TBL1X: variants seen among roughly 807,000 people sequenced by gnomAD.
TBL1X encodes F-box-like/WD repeat-containing protein TBL1X.
TBL1X carries 10 observed loss-of-function variants against 50.7 expected under a neutral mutation model. The ratio of observed to expected loss-of-function variants is 0.20; its 90% CI spans 0.12 to 0.33. TBL1X has a LOEUF of 0.33. TBL1X is among the 10% of genes least tolerant of loss of function. The probability of loss-of-function intolerance (pLI) is 1.00; values close to 1 mark genes in which losing one functional copy is unlikely to be tolerated. For synonymous variants in TBL1X, 190 were observed against 214.7 expected (o/e 0.88, Z 1.01); for missense variants, 340 against 504.4 (o/e 0.67, Z 3.12).
intron 2 of TBL1X, among the ~76,000 whole-genome samples, chrX:9,580,941 C>CT (rs976800628): frequency 2.2e-4 from 24 of 111,391 alleles, no homozygotes; most frequent in African/African-American, 7.2e-4. Context: ...GCTGGAGGGG[C>CT]TTAATGAGGC....
chrX:9,554,102 A>T (rs753051442), intron 2 of TBL1X, among the ~76,000 whole-genome samples: 6 of 112,292 alleles, frequency 5.3e-5, no homozygotes, highest in Non-Finnish European at 1.1e-4. Flanking sequence ...ACTGGTCTTA[A>T]ATTCCTGGGT....
intron 5 of TBL1X, among the ~76,000 whole-genome samples, chrX:9,663,031 G>T (rs2082907579): frequency 9.0e-6 from 1 of 111,352 alleles, no homozygotes; most frequent in South Asian, 3.8e-4. Context: ...TTTAGGGGGA[G>T]GTCATGGTAT....
chrX:9,585,953 T>C (rs1187198348), intron 2 of TBL1X, among the ~76,000 whole-genome samples: 1 of 111,740 alleles, frequency 8.9e-6, no homozygotes, highest in East Asian at 2.8e-4. Flanking sequence ...AAACTACACA[T>C]TAATGTGGGT....
chrX:9,575,105 G>C (rs781504275), intron 2 of TBL1X, among the ~76,000 whole-genome samples: 3 of 111,670 alleles, frequency 2.7e-5, no homozygotes, highest in Non-Finnish European at 5.6e-5. Context: ...TGCAGTCATG[G>C]CAGAAGGCGA....
At chrX:9,525,971 C>T (rs758895695) in intron 2 of TBL1X, among the ~76,000 whole-genome samples, 21 of 111,026 alleles carry the variant, frequency 1.9e-4, no homozygotes, top group Non-Finnish European at 2.8e-4. Context: ...TTCTTGTGTC[C>T]GGGAACGTTC....
intron 5 of TBL1X, among the ~76,000 whole-genome samples, chrX:9,663,548 C>G (rs924278901): frequency 1.8e-5 from 2 of 111,383 alleles, no homozygotes; most frequent in African/African-American, 6.5e-5. Flanking sequence ...CACTTGAGAT[C>G]AGGAGTTTGA....
At chrX:9,463,810 C>T (rs1290211267), upstream of TBL1X, among the ~76,000 whole-genome samples, 1 of 112,419 alleles carries the variant, frequency 8.9e-6, no homozygotes, top group African/African-American at 3.2e-5. Flanking sequence ...AGGGGAATTG[C>T]TTGAACCAGG....
chrX:9,633,463 C>T (rs1470406355), intron 2 of TBL1X, among the ~76,000 whole-genome samples: 1 of 111,908 alleles, frequency 8.9e-6, no homozygotes, highest in African/African-American at 3.3e-5. Context: ...CTTTCCACCT[C>T]CCCATACCCA....
chrX:9,466,067 C>T (rs1374813630), intron 1 of TBL1X, among the ~76,000 whole-genome samples: 1 of 112,694 alleles, frequency 8.9e-6, no homozygotes, highest in African/African-American at 3.2e-5. Flanking sequence ...CGCCCATCTC[C>T]CCGGCCTGAG....
chrX:9,485,943 C>T (rs777630942), intron 1 of TBL1X, among the ~76,000 whole-genome samples: 1 of 110,826 alleles, frequency 9.0e-6, no homozygotes, highest in Non-Finnish European at 1.9e-5. Context: ...AAAGGTAATA[C>T]TTTTGGTCAA....
At chrX:9,677,260 T>C (rs750757613) in intron 5 of TBL1X, among the ~76,000 whole-genome samples, 2 of 111,644 alleles carry the variant, frequency 1.8e-5, no homozygotes, top group African/African-American at 6.5e-5. Flanking sequence ...GAAGCTGTGC[T>C]GACTCCGCTA....
chrX:9,613,789 C>T (rs6640463), intron 2 of TBL1X, among the ~76,000 whole-genome samples: 80 of 109,713 alleles, frequency 7.3e-4, no homozygotes, highest in African/African-American at 2.3e-3. Context: ...AGTTCAAGAC[C>T]AGCCTGGCCA....
chrX:9,463,784 C>T (rs780989215), upstream of TBL1X, among the ~76,000 whole-genome samples: 3 of 112,349 alleles, frequency 2.7e-5, no homozygotes, highest in East Asian at 2.8e-4. Flanking sequence ...ATCCCAGCTA[C>T]TCGGGAGGCT....
intron 2 of TBL1X, among the ~76,000 whole-genome samples, chrX:9,579,252 G>C (rs1212672760): frequency 8.9e-6 from 1 of 112,141 alleles, no homozygotes; most frequent in Non-Finnish European, 1.9e-5. Flanking sequence ...ATACCCAACA[G>C]ATGTATTCAC....
At position 9,659,768 on chromosome X, in the gene TBL1X, CCT is replaced by C. The variant is rs1412531436; in HGVS notation, c.211+5449_211+5450del. ...TAGACGTGAGTTGAGTCACAGAACT[CCT>C]CTGCCTGTCGCACAAGGCATACTGG... On this transcript the variant is annotated intron_variant, in intron 5 of 17. Transcript: ENST00000645353. Among the ~76,000 whole-genome samples the C allele has an allele frequency of 2.1e-4, 24 of 112,001 alleles. 1 individual carries two copies. Among genetic ancestry groups the C allele is most frequent in the African/African-American group, 6.2e-4 (19 of 30,832 alleles).
intron 16 of TBL1X, among the ~76,000 whole-genome samples, chrX:9,713,900 C>T (rs757182005): frequency 9.0e-6 from 1 of 111,094 alleles, no homozygotes; most frequent in African/African-American, 3.3e-5. Context: ...CTCCTGGTCT[C>T]GGTGTTCAGA....
At chrX:9,475,014 C>T (rs1001040178) in intron 1 of TBL1X, among the ~76,000 whole-genome samples, 16 of 111,527 alleles carry the variant, frequency 1.4e-4, no homozygotes, top group African/African-American at 3.3e-4. Context: ...GCTGGGATTA[C>T]AGGCGCCTGC....
chrX:9,633,730 C>G (rs762524671), intron 2 of TBL1X, among the ~76,000 whole-genome samples: 2 of 112,071 alleles, frequency 1.8e-5, no homozygotes, highest in Admixed American at 1.9e-4. Flanking sequence ...ACAGTAAAAT[C>G]TCAGCTTATT....
intron 5 of TBL1X, among the ~76,000 whole-genome samples, chrX:9,656,935 A>G (rs927099905): frequency 6.2e-5 from 7 of 112,151 alleles, no homozygotes; most frequent in African/African-American, 2.3e-4. Flanking sequence ...TACCTTAAAT[A>G]AAAAGGAAAA....
Sources: gnomAD v4.1 joint callset for allele counts (sites outside exome capture counted in the v4.1 genomes callset) on GRCh38, gnomAD v4.1.1 for gene constraint, MANE v1.5 for transcripts, NCBI Gene and HGNC (gene_info 2026-07-23, HGNC 2026-07-21) for gene names.